The following GDAP1 variants were observed in gnomAD, a reference collection of about 807,000 sequenced individuals.
GDAP1 encodes ganglioside induced differentiation associated protein 1, also known as ganglioside-induced differentiation-associated protein 1.
A neutral mutation model predicts 40.1 loss-of-function variants in GDAP1; 34 were observed. That is an observed-to-expected ratio of 0.85 (90% CI 0.64 to 1.13). The LOEUF is 1.13. GDAP1 is among the 50% of genes most tolerant of loss of function. The pLI is 0.00. For missense variants in GDAP1, 374 were observed against 433.7 expected, an observed-to-expected ratio of 0.86 and a Z score of 1.22; for synonymous variants, 170 against 157.4, an observed-to-expected ratio of 1.08 and a Z score of -0.60.
downstream of GDAP1, among the ~76,000 whole-genome samples, chr8:74,370,940 T>C (rs1413188269): frequency 6.6e-6 from 1 of 152,228 alleles, no homozygotes; most frequent in Non-Finnish European, 1.5e-5. Flanking sequence ...TAAATACATA[T>C]TCATCTAAGA....
At chr8:74,439,501 A>G (rs533154916) in intron 2 of GDAP1, among the ~76,000 whole-genome samples, 138 of 152,180 alleles carry the variant, frequency 9.1e-4, no homozygotes, top group African/African-American at 3.1e-3. Context: ...TAACATAATT[A>G]CTATATTTTA....
intron 2 of GDAP1, among the ~76,000 whole-genome samples, chr8:74,440,683 G>A (rs867434407): frequency 6.6e-6 from 1 of 151,556 alleles, no homozygotes; most frequent in Non-Finnish European, 1.5e-5. Flanking sequence ...TGTAGTGGGA[G>A]TTAATCATGC....
chr8:74,382,041 G>A (rs1809962596), intron 2 of GDAP1, among the ~76,000 whole-genome samples: 1 of 151,902 alleles, frequency 6.6e-6, no homozygotes, highest in Non-Finnish European at 1.5e-5. Flanking sequence ...AAAATAGTGG[G>A]TTGGTTCCCT....
chr8:74,395,970 C>G (rs903999127), intron 2 of GDAP1, among the ~76,000 whole-genome samples: 1 of 152,090 alleles, frequency 6.6e-6, no homozygotes, highest in African/African-American at 2.4e-5. Flanking sequence ...AAAAGGAAAA[C>G]AGAGTAAGAG....
Position 74,364,723 on chromosome 8 carries a change from C to T in GDAP1, c.*356C>T, listed in dbSNP as rs1331883612. 1.9e-5 allele frequency: 9 copies of T among 469,774 alleles called. 1 individual carries two copies. The highest frequency in any genetic ancestry group is 1.9e-4 in the Admixed American group (8 of 43,068). The allele number at this position is 469,774 out of a possible 1,614,324, so 29.1% of individuals were successfully genotyped here. A position where few individuals can be genotyped will look rare whatever the true frequency, so the allele number is the denominator to read the frequency against. ...CATTTAGTTACTTGTGGCTACTGCCCACACATACACTTCTGTAATTGAGAA... is the reference window on the plus strand; with the variant it reads ...CATTTAGTTACTTGTGGCTACTGCCTACACATACACTTCTGTAATTGAGAA... On this transcript the variant is annotated 3_prime_UTR_variant, in exon 6 of 6. Coordinates refer to ENST00000220822, the MANE Select transcript of GDAP1 (RefSeq NM_018972.4).
intron 2 of GDAP1, among the ~76,000 whole-genome samples, chr8:74,390,163 C>T (rs1440522545): frequency 1.3e-5 from 2 of 152,138 alleles, no homozygotes; most frequent in Non-Finnish European, 2.9e-5. Context: ...TATTACCTAC[C>T]TTCTGAAGCC....
intron 2 of GDAP1, among the ~76,000 whole-genome samples, chr8:74,395,192 A>G (rs2131545131): frequency 6.6e-6 from 1 of 152,316 alleles, no homozygotes; most frequent in African/African-American, 2.4e-5. Context: ...CTTTGATCAG[A>G]ATTTTTAAGC....
intron 2 of GDAP1, among the ~76,000 whole-genome samples, chr8:74,476,148 C>G (rs1435339106): frequency 1.3e-5 from 2 of 152,168 alleles, no homozygotes; most frequent in African/African-American, 4.8e-5. Flanking sequence ...AGATTTTTCT[C>G]CATCCCTTTA....
intron 2 of GDAP1, among the ~76,000 whole-genome samples, chr8:74,483,222 A>G (rs1437706685): frequency 6.6e-6 from 1 of 152,192 alleles, no homozygotes; most frequent in East Asian, 1.9e-4. Flanking sequence ...GAATAGAAAG[A>G]GTTATAACAT....
At chr8:74,475,396 T>C (rs1806616108) in intron 2 of GDAP1, among the ~76,000 whole-genome samples, 1 of 152,162 alleles carries the variant, frequency 6.6e-6, no homozygotes, top group Admixed American at 6.5e-5. Flanking sequence ...TTGAGATCTT[T>C]CTAACTTTTT....
chr8:74,387,812 G>A (rs1474591390), intron 2 of GDAP1, among the ~76,000 whole-genome samples: 1 of 152,084 alleles, frequency 6.6e-6, no homozygotes, highest in Non-Finnish European at 1.5e-5. Context: ...ATCTGGTTCT[G>A]GGCTTTTTTT....
rs1806143076 is a variant in GDAP1 at position 74,439,981 on chromosome 8, C to A, written c.166-48697C>A. Among the ~76,000 whole-genome samples, 4 of 151,850 alleles carry A rather than the reference C, an allele frequency of 2.6e-5. No homozygotes were observed. In the South Asian group the frequency reaches 8.3e-4, roughly 32 times the overall value. ...GTAAGTGATATTTATTTTTATATAT[C>A]TACTTTGGAGTATCTAGTCAATAGC... On this transcript the variant is annotated intron_variant, in intron 2 of 2. Transcript: ENST00000523640.
chr8:74,390,122 G>C (rs1404437123), intron 2 of GDAP1, among the ~76,000 whole-genome samples: 1 of 152,144 alleles, frequency 6.6e-6, no homozygotes, highest in Non-Finnish European at 1.5e-5. Context: ...CATTGGGTTA[G>C]AACATGCTCC....
chr8:74,441,688 C>G (rs1458279036), intron 2 of GDAP1, among the ~76,000 whole-genome samples: 3 of 152,022 alleles, frequency 2.0e-5, no homozygotes, highest in Non-Finnish European at 4.4e-5. Flanking sequence ...TGAAATGATC[C>G]GTAATATTAC....
chr8:74,486,128 C>T (rs778883540), intron 2 of GDAP1, among the ~76,000 whole-genome samples: 1 of 152,184 alleles, frequency 6.6e-6, no homozygotes, highest in Non-Finnish European at 1.5e-5. Context: ...TGATAGGATT[C>T]TTGTCATAGG....
chr8:74,361,254 T>TAGG (rs1563442958), intron 3 of GDAP1, among the ~76,000 whole-genome samples: 1 of 152,154 alleles, frequency 6.6e-6, no homozygotes, highest in Non-Finnish European at 1.5e-5. Context: ...TCCCTTCATA[T>TAGG]AGGAGTTCAT....
chr8:74,415,443 C>A (rs1044805883), intron 2 of GDAP1, among the ~76,000 whole-genome samples: 9 of 149,952 alleles, frequency 6.0e-5, no homozygotes, highest in Non-Finnish European at 1.2e-4. Context: ...TTCCAAGAAG[C>A]AACACAGTAG....
At chr8:74,460,726 G>A (rs1037608113) in intron 2 of GDAP1, among the ~76,000 whole-genome samples, 5 of 152,144 alleles carry the variant, frequency 3.3e-5, no homozygotes, top group Non-Finnish European at 7.3e-5. Context: ...GAGTGGTAGG[G>A]TCCTAAGAAA....
intron 2 of GDAP1, among the ~76,000 whole-genome samples, chr8:74,385,449 T>G (rs1810011991): frequency 6.6e-6 from 1 of 152,108 alleles, no homozygotes; most frequent in South Asian, 2.1e-4. Flanking sequence ...TGCTCCTGTG[T>G]TAGTTTGCTG....
Sources: gnomAD v4.1 joint callset for allele counts (sites outside exome capture counted in the v4.1 genomes callset) on GRCh38, gnomAD v4.1.1 for gene constraint, MANE v1.5 for transcripts, NCBI Gene and HGNC (gene_info 2026-07-23, HGNC 2026-07-21) for gene names.